Variants in CNTN5 observed in about 807,000 individuals in gnomAD.
CNTN5 encodes the protein contactin-5.
In CNTN5, 77 loss-of-function variants were observed where a neutral mutation model predicts 129.1. The observed-to-expected ratio is 0.60, with a 90% CI of 0.50 to 0.72. CNTN5 has a LOEUF of 0.72. Ranked by LOEUF, CNTN5 falls within the 30% of genes least tolerant of loss-of-function variation. CNTN5 has a pLI of 0.00. For synonymous variants in CNTN5, 509 were observed against 465.6 expected (o/e 1.09, Z -1.20); for missense variants, 1,478 against 1,328.8 (o/e 1.11, Z -1.75).
chr11:99,889,291 GGTGTGTGTGTGT>G (rs71050029), intron 6 of CNTN5, among the ~76,000 whole-genome samples: 2 of 33,220 alleles, frequency 6.0e-5, no homozygotes, highest in Non-Finnish European at 1.2e-4. Context: ...CTCCAGAGCA[GGTGTGTGTGTGT>G]GTGTGTGTGT....
At chr11:99,895,543 C>G (rs969750739) in intron 6 of CNTN5, among the ~76,000 whole-genome samples, 7 of 152,148 alleles carry the variant, frequency 4.6e-5, no homozygotes, top group Admixed American at 2.0e-4. Context: ...AGGGAAGTGA[C>G]AGGACCCACA....
rs1859868158 is a variant in CNTN5, at chr11:99,212,668, A to G, written c.-209-112678A>G. Among the ~76,000 whole-genome samples, 4 of 152,246 alleles carry G rather than the reference A, an allele frequency of 2.6e-5. No individual in the cohort carries two copies. The South Asian group carries it at 8.3e-4, about 32-fold the overall frequency. The stretch of plus-strand genomic sequence containing the variant: ...TTTATTCTTTTCTATATAATTTTAA[A>G]AAATATTTTATGTTATTTAGGGGAA... On this transcript the variant is annotated intron_variant, in intron 1 of 24. Transcript: ENST00000524871.
intron 3 of CNTN5, among the ~76,000 whole-genome samples, chr11:99,745,684 T>A (rs1250611732): frequency 6.6e-6 from 1 of 152,182 alleles, no homozygotes; most frequent in Non-Finnish European, 1.5e-5. Flanking sequence ...TTGCTTTTCT[T>A]ATTCCTGCCA....
intron 3 of CNTN5, among the ~76,000 whole-genome samples, chr11:99,589,187 A>C (rs1276019385): frequency 6.6e-6 from 1 of 152,156 alleles, no homozygotes; most frequent in African/African-American, 2.4e-5. Context: ...CTTCTTTAGT[A>C]GTGGTAAATG....
At chr11:99,320,586 CA>C (rs1449107550) in intron 1 of CNTN5, among the ~76,000 whole-genome samples, 3 of 151,634 alleles carry the variant, frequency 2.0e-5, no homozygotes, top group African/African-American at 7.3e-5. Context: ...CCTTCTAAGG[CA>C]CAGAAAAAGA....
chr11:99,045,037 C>T (rs889661261), intron 1 of CNTN5, among the ~76,000 whole-genome samples: 4 of 152,064 alleles, frequency 2.6e-5, no homozygotes, highest in Non-Finnish European at 5.9e-5. Context: ...CTATGCAAAG[C>T]CCATGAAATA....
At chr11:99,314,676 G>A (rs892606950) in intron 1 of CNTN5, among the ~76,000 whole-genome samples, 3 of 151,878 alleles carry the variant, frequency 2.0e-5, no homozygotes, top group African/African-American at 7.3e-5. Flanking sequence ...CTGCTATTAA[G>A]TAACAGTGAG....
chr11:99,694,127 A>C (rs1278615672), intron 3 of CNTN5, among the ~76,000 whole-genome samples: 1 of 152,060 alleles, frequency 6.6e-6, no homozygotes, highest in Non-Finnish European at 1.5e-5. Flanking sequence ...AAGGCAGAGA[A>C]AGCTAGAAAA....
At chr11:99,314,179 T>C (rs1865237294) in intron 1 of CNTN5, among the ~76,000 whole-genome samples, 1 of 152,008 alleles carries the variant, frequency 6.6e-6, no homozygotes, top group Admixed American at 6.6e-5. Flanking sequence ...TGGCATAACA[T>C]AATATATAAA....
chr11:99,661,701 A>C (rs185708393), intron 3 of CNTN5, among the ~76,000 whole-genome samples: 1 of 152,216 alleles, frequency 6.6e-6, no homozygotes, highest in East Asian at 1.9e-4. Flanking sequence ...ATACATATAC[A>C]CATATAGTAA....
chr11:99,497,729 A>G (rs966676405), intron 2 of CNTN5, among the ~76,000 whole-genome samples: 1 of 152,170 alleles, frequency 6.6e-6, no homozygotes, highest in Non-Finnish European at 1.5e-5. Flanking sequence ...ACCACTGTAA[A>G]AGATGGGATG....
At chr11:99,324,064 G>A (rs915990025) in intron 1 of CNTN5, among the ~76,000 whole-genome samples, 2 of 152,062 alleles carry the variant, frequency 1.3e-5, no homozygotes, top group Non-Finnish European at 2.9e-5. Flanking sequence ...GAAATCTTAG[G>A]TCGACATATT....
At chr11:100,341,345 T>C (rs1952157455) in intron 23 of CNTN5, 140 bp downstream of exon 23, 1 of 648,336 alleles carries the variant, frequency 1.5e-6, no homozygotes, top group East Asian at 2.7e-5. Context: ...CTTAGAAAGA[T>C]AGCCTTCCTA....
chr11:100,083,317 C>CAA (rs71050046), intron 13 of CNTN5, among the ~76,000 whole-genome samples: 2,692 of 127,874 alleles, frequency 0.021, 103 homozygotes, highest in African/African-American at 0.068. Context: ...AACTCTGTCT[C>CAA]AAAAAAAAAA....
chr11:99,321,772 G>A (rs950757344), intron 1 of CNTN5, among the ~76,000 whole-genome samples: 1 of 152,058 alleles, frequency 6.6e-6, no homozygotes, highest in Non-Finnish European at 1.5e-5. Flanking sequence ...TCAGTGTAGC[G>A]CTCAGTTGCT....
intron 1 of CNTN5, among the ~76,000 whole-genome samples, chr11:99,252,152 T>G (rs549176031): frequency 1.8e-3 from 281 of 152,172 alleles, no homozygotes; most frequent in Middle Eastern, 6.8e-3. Context: ...ATTCTTCCAC[T>G]GATAACTTCA....
intron 2 of CNTN5, among the ~76,000 whole-genome samples, chr11:99,384,730 C>A (rs188634912): frequency 2.0e-5 from 3 of 152,228 alleles, no homozygotes; most frequent in Admixed American, 1.3e-4. Context: ...AATAGTCCTT[C>A]CCCTTTACTA....
chr11:100,336,505 A>G (rs2139002188), intron 21 of CNTN5, among the ~76,000 whole-genome samples: 1 of 152,358 alleles, frequency 6.6e-6, no homozygotes, highest in South Asian at 2.1e-4. Context: ...GTGATACACA[A>G]AGAAAATAAT....
At chr11:99,158,053 A>T (rs1860420557) in intron 1 of CNTN5, among the ~76,000 whole-genome samples, 1 of 152,190 alleles carries the variant, frequency 6.6e-6, no homozygotes, top group Non-Finnish European at 1.5e-5. Context: ...AAATAGACAT[A>T]ATGTATCTAG....
Sources: allele counts gnomAD v4.1 joint callset (sites outside exome capture counted in the v4.1 genomes callset), GRCh38; gene constraint gnomAD v4.1.1; transcripts MANE v1.5; gene names NCBI Gene and HGNC (gene_info 2026-07-23, HGNC 2026-07-21).